The following GPATCH8 variants were observed in gnomAD, a reference collection of about 807,000 sequenced individuals.
GPATCH8 encodes G-patch domain containing 8, also known as G patch domain-containing protein 8.
Under a neutral mutation model 118.3 loss-of-function variants are expected in GPATCH8, and 18 were observed. The observed-to-expected ratio is 0.15, with a 90% CI of 0.11 to 0.23. GPATCH8 has a LOEUF of 0.23. Among genes scored for constraint, GPATCH8 ranks in the 10% least tolerant of loss-of-function variants. The probability of loss-of-function intolerance (pLI) is 1.00; values close to 1 mark genes in which losing one functional copy is unlikely to be tolerated. For missense variants in GPATCH8, 1,631 were observed against 1,873.8 expected, an observed-to-expected ratio of 0.87 and a Z score of 2.39; for synonymous variants, 659 against 684.7, an observed-to-expected ratio of 0.96 and a Z score of 0.59.
At chr17:44,430,224 C>T (rs2050256299) in intron 5 of GPATCH8, among the ~76,000 whole-genome samples, 1 of 152,100 alleles carries the variant, frequency 6.6e-6, no homozygotes, top group Non-Finnish European at 1.5e-5. Context: ...AAAGACATTA[C>T]AAGAAAACTA....
chr17:44,432,040 A>G (rs1032093482), intron 5 of GPATCH8, among the ~76,000 whole-genome samples: 8 of 150,746 alleles, frequency 5.3e-5, no homozygotes, highest in Non-Finnish European at 8.8e-5. Flanking sequence ...AGAGTAAATC[A>G]GAGTGGGTTT....
intron 3 of GPATCH8, among the ~76,000 whole-genome samples, chr17:44,440,304 A>G (rs1298526241): frequency 6.6e-6 from 1 of 152,252 alleles, no homozygotes; most frequent in Non-Finnish European, 1.5e-5. Context: ...GGAGAAGGGA[A>G]AGGAAACACA....
rs71136011 is a variant in GPATCH8, at chr17:44,406,503, G to GA, written c.493-453_493-452insT. On this transcript the variant is annotated intron_variant, in intron 6 of 7. Coordinates refer to ENST00000591680, the MANE Select transcript of GPATCH8 (RefSeq NM_001002909.4). ...AGCAATGTACAGCTTACATGGGGGG[G>GA]GGGGGTTATTTAAATTAGAACAAAT... Among the ~76,000 whole-genome samples, 6 of 116,538 alleles carry GA rather than the reference G, an allele frequency of 5.1e-5. 1 individual carries two copies. The highest frequency in any genetic ancestry group is 2.8e-4 in the East Asian group (1 of 3,628). 76.5% of individuals were successfully genotyped at this position (116,538 alleles called of 152,430 possible).
intron 6 of GPATCH8, among the ~76,000 whole-genome samples, chr17:44,418,456 CT>C (rs56885612): frequency 0.098 from 13,737 of 139,614 alleles, 1,503 homozygotes; most frequent in African/African-American, 0.29. Flanking sequence ...GTGCTAATGT[CT>C]TTTTTTTTTT....
intron 3 of GPATCH8, among the ~76,000 whole-genome samples, chr17:44,464,159 T>G (rs1231818529): frequency 6.6e-6 from 1 of 152,126 alleles, no homozygotes; most frequent in Non-Finnish European, 1.5e-5. Context: ...ACTCTGATAT[T>G]TTGCATTCCT....
At chr17:44,454,703 G>A (rs957145125) in intron 3 of GPATCH8, among the ~76,000 whole-genome samples, 1 of 152,106 alleles carries the variant, frequency 6.6e-6, no homozygotes, top group Non-Finnish European at 1.5e-5. Context: ...GACTGCAGGG[G>A]TGAGCCACCA....
At chr17:44,426,194 A>G (rs2050083639) in intron 5 of GPATCH8, among the ~76,000 whole-genome samples, 1 of 152,254 alleles carries the variant, frequency 6.6e-6, no homozygotes, top group Non-Finnish European at 1.5e-5. Context: ...AGAATTTCTG[A>G]GATCTGGGAA....
chr17:44,452,163 G>C (rs2051135187), intron 3 of GPATCH8, among the ~76,000 whole-genome samples: 1 of 150,882 alleles, frequency 6.6e-6, no homozygotes, highest in Non-Finnish European at 1.5e-5. Context: ...ATCTCAGCTA[G>C]TTGGGAGGCT....
Position 44,399,920 on chromosome 17 carries a change from ATTC to A in GPATCH8, c.2154_2156del (p.Lys718del), listed in dbSNP as rs1383574905. On this transcript the variant is annotated inframe_deletion, in exon 8 of 8. Transcript: ENST00000591680. ...CAGAATCTGCTGGGGCTGATGACTT[ATTC>A]TTCTTTCGTTTTCGTTTCTTGCGCT... 14 of 1,607,566 alleles carry A rather than the reference ATTC, an allele frequency of 8.7e-6. No homozygotes were observed. The highest frequency in any genetic ancestry group is 1.1e-5 in the South Asian group (1 of 90,908).
chr17:44,462,665 T>A (rs1017159248), intron 3 of GPATCH8, among the ~76,000 whole-genome samples: 5 of 152,152 alleles, frequency 3.3e-5, no homozygotes, highest in African/African-American at 9.7e-5. Context: ...AGAAGTAGAA[T>A]TTTAAAATTA....
chr17:44,485,079 G>C (rs1968670809), intron 1 of GPATCH8, among the ~76,000 whole-genome samples: 1 of 151,938 alleles, frequency 6.6e-6, no homozygotes, highest in African/African-American at 2.4e-5. Flanking sequence ...CTCCCCAAGT[G>C]CTGGGATTAC....
rs1273102872 is a variant in GPATCH8 at position 44,400,657 on chromosome 17, A to C, written c.1420T>G (p.Ser474Ala). 1 of 1,612,852 alleles carries C rather than the reference A, an allele frequency of 6.2e-7. No individual in the cohort carries two copies. Among genetic ancestry groups the C allele is most frequent in the Non-Finnish European group, 8.5e-7 (1 of 1,179,260 alleles). The change falls in exon 8 of 8, where the codon TCA becomes GCA. Residue 474 changes from serine (S) to alanine (A), a missense_variant. By Grantham distance (99) the Ser-to-Ala change is moderately conservative. Around this residue, in one of 8 missense-constraint regions of GPATCH8, gnomAD observed 405 missense variants for 462.7 expected, o/e 0.88. Coordinates refer to ENST00000591680, the MANE Select transcript of GPATCH8 (RefSeq NM_001002909.4). ...GCCTCAGCTTTGCTTCCTGGTTCTG[A>C]GGGCTCGGTCATGCTGGTTTCCTTC... The part of the protein sequence containing the change: ...QPKETSMTEP[S>A]EPGSKAEAKK...
At chr17:44,426,603 CAAAAAAAAAAAAA>C (rs754510329) in intron 5 of GPATCH8, among the ~76,000 whole-genome samples, 5 of 82,844 alleles carry the variant, frequency 6.0e-5, no homozygotes, top group Non-Finnish European at 8.7e-5. Flanking sequence ...GACCTTGTCT[CAAAAAAAAAAAAA>C]AAAAAAAAGG....
intron 2 of GPATCH8, chr17:44,467,127 C>T: frequency 8.1e-7 from 1 of 1,237,104 alleles, no homozygotes; most frequent in Non-Finnish European, 1.1e-6. Context: ...GTCAAAAGAA[C>T]AGTTAAATGT....
chr17:44,461,391 C>T (rs1268754332), intron 3 of GPATCH8, among the ~76,000 whole-genome samples: 1 of 151,622 alleles, frequency 6.6e-6, no homozygotes, highest in African/African-American at 2.4e-5. Context: ...TGCTATATTG[C>T]CCAGGCTGGT....
At chr17:44,486,080 G>C (rs1201161329) in intron 1 of GPATCH8, 1 of 151,966 alleles carries the variant, frequency 6.6e-6, no homozygotes, top group Admixed American at 6.6e-5. Context: ...TGTTTAATGT[G>C]GTTTTTGTTT....
intron 6 of GPATCH8, among the ~76,000 whole-genome samples, chr17:44,415,144 C>T (rs1023372302): frequency 6.6e-6 from 1 of 152,250 alleles, no homozygotes; most frequent in African/African-American, 2.4e-5. Flanking sequence ...AAAACTTTTC[C>T]ACTATCTTTT....
At chr17:44,440,745 C>T (rs1434822241) in intron 3 of GPATCH8, among the ~76,000 whole-genome samples, 2 of 152,228 alleles carry the variant, frequency 1.3e-5, no homozygotes, top group Non-Finnish European at 2.9e-5. Context: ...TGAGAACAAT[C>T]CCTCAGGAAT....
rs771258172 is a variant in GPATCH8 at position 44,397,705 on chromosome 17, G to C, written c.4372C>G (p.Pro1458Ala). The change falls in exon 8 of 8, where the codon CCA becomes GCA. Residue 1458 changes from proline (P) to alanine (A), a missense_variant. Pro to Ala is a conservative substitution (Grantham distance 27). Coordinates refer to ENST00000591680, the MANE Select transcript of GPATCH8 (RefSeq NM_001002909.4). ...HPGPFTFHPV[P>A]HAALYPTLLA... ...AGGGTGGGGTAGAGGGCAGCATGTG[G>C]GACAGGGTGAAAGGTGAAGGGCCCA... is the stretch of plus-strand genomic sequence containing the variant. 3.1e-6 allele frequency: 5 copies of C among 1,610,206 alleles called. No homozygotes were observed. The highest frequency in any genetic ancestry group is 2.2e-5 in the South Asian group (2 of 90,574).
Sources: allele counts gnomAD v4.1 joint callset (sites outside exome capture counted in the v4.1 genomes callset), GRCh38; gene constraint gnomAD v4.1.1; regional missense constraint gnomAD v4.1.1; transcripts MANE v1.5; gene names NCBI Gene and HGNC (gene_info 2026-07-23, HGNC 2026-07-21).